USP2: variants seen among roughly 807,000 people sequenced by gnomAD.
USP2 encodes ubiquitin carboxyl-terminal hydrolase 2.
Under a neutral mutation model 72.0 loss-of-function variants are expected in USP2, and 33 were observed. The observed-to-expected ratio is 0.46, with a 90% confidence interval of 0.35 to 0.61. USP2 has a LOEUF of 0.61. Ranked by LOEUF, USP2 falls within the 20% of genes least tolerant of loss-of-function variation. The pLI, the probability that USP2 is intolerant of heterozygous loss-of-function variation, is 0.01. For missense variants in USP2, 691 were observed against 797.8 expected (o/e 0.87, Z 1.61); for synonymous variants, 296 against 312.5 (o/e 0.95, Z 0.56).
At chr11:119,358,612 G>T in intron 7 of USP2, 161 bp downstream of exon 7, 2 of 895,080 alleles carry the variant, frequency 2.2e-6, no homozygotes, top group Admixed American at 2.1e-5. Context: ...CACCATGCCC[G>T]GCCTGCACAG....
chr11:119,359,193 G>A (rs1262848558), intron 5 of USP2, 38 bp downstream of exon 5: 2 of 1,611,504 alleles, frequency 1.2e-6, no homozygotes, highest in Non-Finnish European at 1.7e-6. Flanking sequence ...TGCTCCTACT[G>A]CCACCCACCT....
Position 119,357,757 on chromosome 11 carries a change from G to T in USP2, c.1501C>A (p.His501Asn). 1 of 1,613,706 alleles carries T rather than the reference G, an allele frequency of 6.2e-7. No individual in the cohort carries two copies. The highest frequency in any genetic ancestry group is 8.5e-7 in the Non-Finnish European group (1 of 1,180,028). ...CAGCCCTGATGGATCTTAAGGATACGGAGCACCAAGATCTTTGGGAACCTC... is the reference window on the plus strand; with the variant it reads ...CAGCCCTGATGGATCTTAAGGATACTGAGCACCAAGATCTTTGGGAACCTC... ...IQRFPKILVL[H>N]LKRFSESRIR... Residue 501 changes from histidine to asparagine, a missense_variant and splice_region_variant, in exon 10 of 13, where the codon CAT becomes AAT. By Grantham distance (68) the His-to-Asn change is moderately conservative. Coordinates refer to ENST00000260187, the MANE Select transcript of USP2 (RefSeq NM_004205.5).
chr11:119,365,188 T>C (rs1474165442), intron 2 of USP2, among the ~76,000 whole-genome samples: 4 of 152,318 alleles, frequency 2.6e-5, no homozygotes, highest in African/African-American at 9.6e-5. Flanking sequence ...CAGCAGTGTA[T>C]GCTGTTACTC....
At position 119,381,598 on chromosome 11, in the gene USP2, C is replaced by T. The variant is rs772556367; in HGVS notation, c.-167G>A. The T allele has an allele frequency of 2.0e-6, 3 of 1,511,810 alleles. No individual in the cohort carries two copies. The highest frequency in any genetic ancestry group is 2.8e-5 in the African/African-American group (2 of 72,658). 93.6% of individuals were successfully genotyped at this position (1,511,810 alleles called of 1,614,324 possible). A position where few individuals can be genotyped will look rare whatever the true frequency, so the allele number is the denominator to read the frequency against. The stretch of plus-strand genomic sequence containing the variant: ...CGAAGAGGGCTCCCCGGCCTCGGCT[C>T]CTGCCTGACTCTCTCCCACCTCCGC... On this transcript the variant is annotated 5_prime_UTR_variant, in exon 1 of 13. Transcript: ENST00000260187.
intron 2 of USP2, chr11:119,364,191 C>G: frequency 4.3e-6 from 5 of 1,170,336 alleles, no homozygotes; most frequent in Non-Finnish European, 5.3e-6. Flanking sequence ...GGTCCCGGCT[C>G]TCGCGCTCCG....
chr11:119,356,965 G>A, intron 12 of USP2, 43 bp from the exon 13 acceptor site: 1 of 1,545,282 alleles, frequency 6.5e-7, no homozygotes, highest in Non-Finnish European at 8.7e-7. Context: ...GGCAGGACCG[G>A]GAGACCCCCC....
At chr11:119,359,462 A>G in intron 4 of USP2, 75 bp downstream of exon 4, 1 of 1,603,024 alleles carries the variant, frequency 6.2e-7, no homozygotes, top group Non-Finnish European at 8.5e-7. Context: ...TCTAAGACAC[A>G]ACACCTAGAA....
At chr11:119,363,153 C>T (rs1473974643) in intron 2 of USP2, among the ~76,000 whole-genome samples, 1 of 152,212 alleles carries the variant, frequency 6.6e-6, no homozygotes, top group African/African-American at 2.4e-5. Context: ...GGGCAGGGCA[C>T]GCACTGCCAG....
Position 119,381,466 on chromosome 11 carries a change from C to CACGT in USP2, c.-42+3_-42+6dup, listed in dbSNP as rs1282621814. The CACGT allele has an allele frequency of 2.0e-6, 3 of 1,536,074 alleles. No homozygotes were observed. The highest frequency in any genetic ancestry group is 2.6e-6 in the Non-Finnish European group (3 of 1,146,858). ...CCCCTCCCGGATCCCCGACAGGTGG[C>CACGT]ACGTACCTGCCTCTTCTTGGAGTAT... On this transcript the variant is annotated splice_region_variant and intron_variant, in intron 1 of 12. Coordinates refer to ENST00000260187, the MANE Select transcript of USP2 (RefSeq NM_004205.5).
At chr11:119,378,482 C>A (rs954370288) in intron 1 of USP2, among the ~76,000 whole-genome samples, 1 of 152,172 alleles carries the variant, frequency 6.6e-6, no homozygotes, top group Non-Finnish European at 1.5e-5. Flanking sequence ...AATCCTCTTG[C>A]CTCCCCTGGC....
At chr11:119,364,167 C>G (rs906077502) in intron 2 of USP2, 2 of 1,199,434 alleles carry the variant, frequency 1.7e-6, no homozygotes, top group African/African-American at 3.2e-5. Context: ...CCGGCGTGCG[C>G]CGCCAACAGC....
intron 2 of USP2, 48 bp from the exon 3 acceptor site, chr11:119,360,282 G>GC (rs1319523550): frequency 6.3e-7 from 1 of 1,597,062 alleles, no homozygotes; most frequent in Admixed American, 1.7e-5. Context: ...AAGATGCTAG[G>GC]CCTGTGCTGG....
rs1189353019 is a variant in USP2, at chr11:119,357,825, C to T, written c.1433G>A (p.Arg478His). Residue 478 changes from arginine (R) to histidine (H), a missense_variant, in exon 10 of 13, where the codon CGC becomes CAC. Coordinates refer to ENST00000260187, the MANE Select transcript of USP2 (RefSeq NM_004205.5). ...TATACACCGTTTTCTGCCTCGGCAG[C>T]GACAGCATGTCTGAGAGACAAGACA... ...LDGDEKPTCC[R>H]CRGRKRCIKK... The T allele has an allele frequency of 4.3e-6, 7 of 1,613,190 alleles. No individual in the cohort carries two copies. Among genetic ancestry groups the T allele is most frequent in the African/African-American group, 1.3e-5 (1 of 74,882 alleles).
chr11:119,358,051 GGATAACC>G lies in USP2; in HGVS notation c.1345_1351del (p.Gly449LeufsTer3), dbSNP rs1950698793. 1 of 1,614,054 alleles carries G rather than the reference GGATAACC, an allele frequency of 6.2e-7. No individual in the cohort carries two copies. Among genetic ancestry groups the G allele is most frequent in the African/African-American group, 1.3e-5 (1 of 74,910 alleles). Reference sequence around the variant, plus strand: ...CATGCAGTCCATTAATGTCACCTCAGGATAACCTCGCTGGGAAGGGGAAAAAAGCAAA... The same window carrying G: ...CATGCAGTCCATTAATGTCACCTCAGTCGCTGGGAAGGGGAAAAAAGCAAA... On this transcript the variant is annotated frameshift_variant, in exon 9 of 13. Coordinates refer to ENST00000260187, the MANE Select transcript of USP2 (RefSeq NM_004205.5). LOFTEE classifies it high-confidence loss of function.
At chr11:119,368,220 C>A (rs1327981697) in intron 2 of USP2, among the ~76,000 whole-genome samples, 1 of 152,216 alleles carries the variant, frequency 6.6e-6, no homozygotes, top group African/African-American at 2.4e-5. Context: ...ATGCTGCCAA[C>A]ACAGATTCAT....
At chr11:119,377,273 C>T (rs897348513) in intron 1 of USP2, among the ~76,000 whole-genome samples, 4 of 152,156 alleles carry the variant, frequency 2.6e-5, no homozygotes, top group African/African-American at 9.7e-5. Context: ...GGGCTGGACT[C>T]GTGCTCTGTC....
chr11:119,363,888 C>A, intron 2 of USP2: 2 of 1,387,568 alleles, frequency 1.4e-6, no homozygotes, highest in Non-Finnish European at 9.4e-7. Flanking sequence ...AGGTGGAGAG[C>A]AGCAGGGACG....
intron 2 of USP2, chr11:119,364,213 G>T (rs1156476977): frequency 8.9e-7 from 1 of 1,127,544 alleles, no homozygotes. Flanking sequence ...CCGACTGGCG[G>T]CCCCGCCGGC....
In USP2 at chr11:119,356,650, T is replaced by C; in HGVS notation, c.*185A>G. On this transcript the variant is annotated 3_prime_UTR_variant, in exon 13 of 13. Coordinates refer to ENST00000260187, the MANE Select transcript of USP2 (RefSeq NM_004205.5). Reference sequence around the variant, plus strand: ...GCGATCTTCCCTGCCGGGCCACAGCTCAGGAAAGCCCGGCTCCTTGCTCCA... The same window carrying C: ...GCGATCTTCCCTGCCGGGCCACAGCCCAGGAAAGCCCGGCTCCTTGCTCCA... 1.6e-6 allele frequency: 1 copy of C among 615,516 alleles called. No homozygotes were observed. Among genetic ancestry groups the C allele is most frequent in the Admixed American group, 3.4e-5 (1 of 29,470 alleles). The allele number at this position is 615,516 out of a possible 1,614,324, so 38.1% of individuals were successfully genotyped here.
Sources: gnomAD v4.1 joint callset for allele counts (sites outside exome capture counted in the v4.1 genomes callset) on GRCh38, gnomAD v4.1.1 for gene constraint, MANE v1.5 for transcripts, NCBI Gene and HGNC (gene_info 2026-07-23, HGNC 2026-07-21) for gene names.